ST7L: variants seen among roughly 807,000 people sequenced by gnomAD.
The protein encoded by ST7L is suppression of tumorigenicity 7 like, also known as suppressor of tumorigenicity 7 protein-like.
A neutral mutation model predicts 72.5 loss-of-function variants in ST7L; 57 were observed. The ratio of observed to expected loss-of-function variants is 0.79; its 90% confidence interval spans 0.64 to 0.98. The LOEUF (loss-of-function observed/expected upper bound fraction) is 0.98, where lower values mean the gene tolerates loss of function less well. Ranked by LOEUF, ST7L falls within the 50% of genes least tolerant of loss-of-function variation. ST7L has a pLI of 0.00. For synonymous variants in ST7L, 221 were observed against 240.9 expected (o/e 0.92, Z 0.77); for missense variants, 576 against 672.2 (o/e 0.86, Z 1.58).
At chr1:112,548,219 G>C (rs556964960) in intron 13 of ST7L, among the ~76,000 whole-genome samples, 3 of 152,050 alleles carry the variant, frequency 2.0e-5, no homozygotes, top group African/African-American at 7.2e-5. Flanking sequence ...TTAGCTGGGC[G>C]TGATGGTGGG....
intron 14 of ST7L, among the ~76,000 whole-genome samples, chr1:112,533,473 C>T (rs1042926094): frequency 1.3e-4 from 20 of 152,082 alleles, no homozygotes; most frequent in Middle Eastern, 3.4e-3. Context: ...CGCGCCACCA[C>T]GCCCAGCCAA....
chr1:112,520,299 C>G, downstream of ST7L: 1 of 1,614,038 alleles, frequency 6.2e-7, no homozygotes, highest in Non-Finnish European at 8.5e-7. Flanking sequence ...GCACTGCAGG[C>G]CGTGTCTGCA....
At chr1:112,518,712 G>A (rs1463965569), downstream of ST7L, among the ~76,000 whole-genome samples, 1 of 152,130 alleles carries the variant, frequency 6.6e-6, no homozygotes, top group East Asian at 1.9e-4. Context: ...TTAGGAGGGA[G>A]GATAAGTCAA....
intron 12 of ST7L, among the ~76,000 whole-genome samples, chr1:112,553,603 C>T (rs1323477157): frequency 6.6e-6 from 1 of 152,094 alleles, no homozygotes; most frequent in Non-Finnish European, 1.5e-5. Context: ...TTTTAAATGA[C>T]CATAATTTCT....
rs192158381 is a variant in ST7L, at chr1:112,540,898, G to T, written c.1629+1053C>A. 5.7e-6 allele frequency: 7 copies of T among 1,233,410 alleles called. No individual in the cohort carries two copies. In the Admixed American group the frequency reaches 7.1e-5, roughly 13 times the overall value. 76.4% of individuals were successfully genotyped at this position (1,233,410 alleles called of 1,614,324 possible). A position where few individuals can be genotyped will look rare whatever the true frequency, so the allele number is the denominator to read the frequency against. ...CTGGTAGAAATGCAAAGATGTACAA[G>T]AAAGATGCATTTTTAAAAAGGCTTG... On this transcript the variant is annotated intron_variant, in intron 14 of 14. Coordinates refer to ENST00000358039, the MANE Select transcript of ST7L (RefSeq NM_017744.5).
intron 3 of ST7L, among the ~76,000 whole-genome samples, chr1:112,608,263 C>T (rs1208931017): frequency 6.6e-6 from 1 of 152,124 alleles, no homozygotes; most frequent in East Asian, 1.9e-4. Context: ...AAGTGATCCC[C>T]TTACCTCAGC....
intron 9 of ST7L, among the ~76,000 whole-genome samples, chr1:112,579,792 A>G (rs1558011835): frequency 6.6e-6 from 1 of 152,206 alleles, no homozygotes; most frequent in Non-Finnish European, 1.5e-5. Flanking sequence ...ACTGGGACTC[A>G]TGAAAATAAC....
chr1:112,552,732 A>G (rs1459093836), intron 12 of ST7L, among the ~76,000 whole-genome samples: 2 of 152,168 alleles, frequency 1.3e-5, no homozygotes, highest in Non-Finnish European at 2.9e-5. Flanking sequence ...AATAAGAAGT[A>G]GTTATTTGTC....
rs1570962276 is a variant in ST7L at position 112,550,675 on chromosome 1, T to C, written c.1415A>G (p.Tyr472Cys). The C allele has an allele frequency of 1.9e-6, 3 of 1,613,108 alleles. No individual in the cohort carries two copies. Among genetic ancestry groups the C allele is most frequent in the Non-Finnish European group, 1.7e-6 (2 of 1,179,418 alleles). Residue 472 changes from tyrosine (Y) to cysteine (C), a missense_variant, in exon 13 of 15, where the codon TAC becomes TGC. By Grantham distance (194) the Tyr-to-Cys change is radical. Transcript: ENST00000358039. The stretch of plus-strand genomic sequence containing the variant: ...AAATAGATGTCCTTTCTCTAACGGG[T>C]ATGGAATCATTCTAAAAGCTGAGGA... ...TWEGTFRMIP[Y>C]PLEKGHLFYP...
chr1:112,576,451 AC>A (rs1206033770), intron 11 of ST7L, among the ~76,000 whole-genome samples: 1 of 152,178 alleles, frequency 6.6e-6, no homozygotes, highest in East Asian at 1.9e-4. Context: ...AATTTGTATA[AC>A]TGCAAGGTGT....
intron 14 of ST7L, among the ~76,000 whole-genome samples, chr1:112,536,383 T>G (rs1175326469): frequency 6.6e-6 from 1 of 152,162 alleles, no homozygotes; most frequent in African/African-American, 2.4e-5. Flanking sequence ...TGGTATACAT[T>G]AATATATAGT....
At chr1:112,532,720 C>G (rs1035675594) in intron 14 of ST7L, among the ~76,000 whole-genome samples, 1 of 152,164 alleles carries the variant, frequency 6.6e-6, no homozygotes, top group Admixed American at 6.5e-5. Flanking sequence ...AATAATTTCT[C>G]TCCTTGAAGC....
intron 13 of ST7L, among the ~76,000 whole-genome samples, chr1:112,544,402 G>C (rs2101450201): frequency 6.6e-6 from 1 of 152,234 alleles, no homozygotes; most frequent in South Asian, 2.1e-4. Flanking sequence ...AAAATGTCCA[G>C]AACCTTGAGC....
intron 14 of ST7L, among the ~76,000 whole-genome samples, chr1:112,535,606 C>T (rs1167286433): frequency 6.6e-6 from 1 of 150,548 alleles, no homozygotes; most frequent in East Asian, 2.0e-4. Context: ...GAGGCACATA[C>T]TTGTAGTCCC....
chr1:112,608,625 G>C (rs776015599), intron 3 of ST7L, among the ~76,000 whole-genome samples: 8 of 152,042 alleles, frequency 5.3e-5, no homozygotes, highest in Non-Finnish European at 1.0e-4. Context: ...ATGTGCTATT[G>C]TTATAATTAT....
At chr1:112,573,879 G>A (rs1662583567) in intron 11 of ST7L, among the ~76,000 whole-genome samples, 4 of 148,466 alleles carry the variant, frequency 2.7e-5, no homozygotes, top group South Asian at 4.3e-4. Flanking sequence ...GGGCATGAGA[G>A]CAAGACCCTG....
chr1:112,536,361 A>G (rs1655202441), intron 14 of ST7L, among the ~76,000 whole-genome samples: 1 of 152,130 alleles, frequency 6.6e-6, no homozygotes, highest in South Asian at 2.1e-4. Context: ...AAAAAAACAT[A>G]TATTTTTCAA....
At chr1:112,565,482 T>G (rs1660876829) in intron 11 of ST7L, among the ~76,000 whole-genome samples, 1 of 152,360 alleles carries the variant, frequency 6.6e-6, no homozygotes, top group East Asian at 1.9e-4. Context: ...TGCTCTACTT[T>G]ACTCTTGCCC....
chr1:112,525,946 G>A lies in ST7L; in HGVS notation c.*67C>T, dbSNP rs1004805491. On this transcript the variant is annotated 3_prime_UTR_variant, in exon 15 of 15. Coordinates refer to ENST00000358039, the MANE Select transcript of ST7L (RefSeq NM_017744.5). ...ACAACCCTGTGAGGTAGGGGTTACTGTCACTTTACAGATGCTGTTCAGAAA... is the reference window on the plus strand; with the variant it reads ...ACAACCCTGTGAGGTAGGGGTTACTATCACTTTACAGATGCTGTTCAGAAA... 5 of 1,602,724 alleles carry A rather than the reference G, an allele frequency of 3.1e-6. No homozygotes were observed. In the African/African-American group the frequency reaches 6.7e-5, roughly 21 times the overall value.
Sources: allele counts gnomAD v4.1 joint callset (sites outside exome capture counted in the v4.1 genomes callset), GRCh38; gene constraint gnomAD v4.1.1; transcripts MANE v1.5; gene names NCBI Gene and HGNC (gene_info 2026-07-23, HGNC 2026-07-21).